Variants in SRBD1 observed in about 807,000 individuals in gnomAD.
SRBD1 encodes S1 RNA-binding domain-containing protein 1.
In SRBD1, 88 loss-of-function variants were observed where a neutral mutation model predicts 115.3. The ratio of observed to expected loss-of-function variants is 0.76; its 90% CI spans 0.64 to 0.91. The LOEUF is 0.91. SRBD1 is among the 40% of genes least tolerant of loss of function. The pLI, the probability that SRBD1 is intolerant of heterozygous loss-of-function variation, is 0.00. For missense variants in SRBD1, 1,385 were observed against 1,177.4 expected, an observed-to-expected ratio of 1.18 and a Z score of -2.58; for synonymous variants, 509 against 407.7, an observed-to-expected ratio of 1.25 and a Z score of -2.99.
chr2:45,475,926 T>C (rs1478569663), intron 16 of SRBD1, among the ~76,000 whole-genome samples: 2 of 152,174 alleles, frequency 1.3e-5, no homozygotes, highest in Non-Finnish European at 2.9e-5. Context: ...CTCAAACTCT[T>C]GACCTCAAGT....
chr2:45,406,745 C>A (rs976698598), intron 19 of SRBD1, among the ~76,000 whole-genome samples: 2 of 152,016 alleles, frequency 1.3e-5, no homozygotes, highest in South Asian at 2.1e-4. Context: ...TCCTACATAC[C>A]CCTTAATAAA....
chr2:45,507,143 C>T (rs1238051091), intron 14 of SRBD1, among the ~76,000 whole-genome samples: 2 of 152,110 alleles, frequency 1.3e-5, no homozygotes, highest in African/African-American at 4.8e-5. Context: ...AAATGGTAAA[C>T]AGACACATGA....
chr2:45,567,954 G>A (rs1284613859), intron 9 of SRBD1: 1 of 152,112 alleles, frequency 6.6e-6, no homozygotes, highest in Admixed American at 6.5e-5. Context: ...CTGACACACA[G>A]GAAGACCCAT....
chr2:45,579,718 C>T (rs985637401), intron 7 of SRBD1, among the ~76,000 whole-genome samples, 157 bp downstream of exon 7: 22 of 151,626 alleles, frequency 1.5e-4, no homozygotes, highest in Non-Finnish European at 2.5e-4. Context: ...TGAATGGCTA[C>T]TCAATAGGTA....
chr2:45,565,816 G>A (rs1025978337), intron 9 of SRBD1, among the ~76,000 whole-genome samples: 2 of 152,282 alleles, frequency 1.3e-5, no homozygotes, highest in Admixed American at 6.5e-5. Context: ...TTAAGAGATG[G>A]GGTTTCACCA....
At chr2:45,389,766 A>G (rs562597579) in intron 20 of SRBD1, among the ~76,000 whole-genome samples, 167 bp from the exon 21 acceptor site, 2 of 152,228 alleles carry the variant, frequency 1.3e-5, no homozygotes, top group African/African-American at 4.8e-5. Flanking sequence ...GAGAACATGC[A>G]TATCAGTTGG....
At chr2:45,605,564 T>C (rs1282176423) in intron 1 of SRBD1, 123 bp from the exon 2 acceptor site, 2 of 902,332 alleles carry the variant, frequency 2.2e-6, no homozygotes, top group Admixed American at 2.1e-5. Flanking sequence ...ATGATGTTTA[T>C]TCACAAGCCC....
chr2:45,504,668 C>A (rs57807650), intron 14 of SRBD1, among the ~76,000 whole-genome samples: 53,946 of 151,734 alleles, frequency 0.36, 10,708 homozygotes, highest in Non-Finnish European at 0.46. Flanking sequence ...AAAAACTTAT[C>A]ACTTATCAAG....
intron 14 of SRBD1, among the ~76,000 whole-genome samples, chr2:45,525,520 C>T (rs747829177): frequency 2.0e-4 from 30 of 151,864 alleles, no homozygotes; most frequent in Non-Finnish European, 3.8e-4. Flanking sequence ...ATCTACTGTA[C>T]AACATGGTGA....
At chr2:45,429,750 T>A (rs1668274183) in intron 16 of SRBD1, among the ~76,000 whole-genome samples, 1 of 152,202 alleles carries the variant, frequency 6.6e-6, no homozygotes, top group African/African-American at 2.4e-5. Context: ...ATGCCCTCTC[T>A]CACCACTCCT....
chr2:45,537,905 T>C (rs549728920), intron 14 of SRBD1, among the ~76,000 whole-genome samples: 98 of 152,284 alleles, frequency 6.4e-4, no homozygotes, highest in Non-Finnish European at 1.2e-3. Context: ...AGAAAGAGAA[T>C]AGGTGCAAGC....
intron 14 of SRBD1, among the ~76,000 whole-genome samples, chr2:45,518,231 C>T (rs1671178532): frequency 6.6e-6 from 1 of 151,980 alleles, no homozygotes; most frequent in African/African-American, 2.4e-5. Context: ...AAATAATTCA[C>T]CCAAGAGCAT....
At chr2:45,451,098 G>C (rs1668978120) in intron 16 of SRBD1, among the ~76,000 whole-genome samples, 2 of 152,120 alleles carry the variant, frequency 1.3e-5, no homozygotes, top group Admixed American at 1.3e-4. Flanking sequence ...AGGGCTATTT[G>C]CAGGGTGATG....
chr2:45,516,650 T>C (rs531712926), intron 14 of SRBD1, among the ~76,000 whole-genome samples: 1 of 152,294 alleles, frequency 6.6e-6, no homozygotes, highest in Admixed American at 6.5e-5. Context: ...GAGTAGATAG[T>C]TCCACAAAAA....
chr2:45,585,515 T>C (rs917929170), intron 5 of SRBD1, 93 bp downstream of exon 5: 5 of 1,376,066 alleles, frequency 3.6e-6, no homozygotes, highest in Non-Finnish European at 5.0e-6. Flanking sequence ...AACAAAATGT[T>C]GAAATTGTCA....
chr2:45,521,194 A>G (rs1671271788), intron 14 of SRBD1, among the ~76,000 whole-genome samples: 1 of 151,888 alleles, frequency 6.6e-6, no homozygotes, highest in Non-Finnish European at 1.5e-5. Context: ...CCTAGATGAC[A>G]CCCAATGACT....
At chr2:45,569,863 AG>A (rs1274840743) in intron 9 of SRBD1, among the ~76,000 whole-genome samples, 1 of 152,226 alleles carries the variant, frequency 6.6e-6, no homozygotes, top group Non-Finnish European at 1.5e-5. Context: ...TGCAAACAAA[AG>A]TGATTATACC....
At chr2:45,586,550 T>A (rs1490864932) in intron 4 of SRBD1, among the ~76,000 whole-genome samples, 1 of 152,114 alleles carries the variant, frequency 6.6e-6, no homozygotes, top group Non-Finnish European at 1.5e-5. Flanking sequence ...ACTTTTTAAT[T>A]TTTTTATTTT....
intron 14 of SRBD1, among the ~76,000 whole-genome samples, chr2:45,505,937 C>T (rs553012309): frequency 8.5e-4 from 129 of 152,286 alleles, no homozygotes; most frequent in African/African-American, 2.9e-3. Flanking sequence ...AATAAGAAAG[C>T]TTTGGAGGCT....
Sources: gnomAD v4.1 joint callset for allele counts (sites outside exome capture counted in the v4.1 genomes callset) on GRCh38, gnomAD v4.1.1 for gene constraint, MANE v1.5 for transcripts, NCBI Gene and HGNC (gene_info 2026-07-23, HGNC 2026-07-21) for gene names.